Variants in APCDD1 observed in about 807,000 individuals in gnomAD.
APCDD1 encodes protein APCDD1.
APCDD1 carries 15 observed loss-of-function variants against 38.1 expected under a neutral mutation model. The observed-to-expected ratio is 0.39, with a 90% CI of 0.26 to 0.61. The LOEUF is 0.61. Among genes scored for constraint, APCDD1 ranks in the 20% least tolerant of loss-of-function variants. The pLI, the probability that APCDD1 is intolerant of heterozygous loss-of-function variation, is 0.49. For missense variants in APCDD1, 647 were observed against 696.2 expected (o/e 0.93, Z 0.79); for synonymous variants, 261 against 279.7 (o/e 0.93, Z 0.67).
chr18:10,459,314 G>A (rs28427248), intron 1 of APCDD1, among the ~76,000 whole-genome samples: 5 of 97,488 alleles, frequency 5.1e-5, no homozygotes, highest in South Asian at 6.1e-4. Context: ...TCCCACAAGC[G>A]TGCACACACA....
rs1259024368 is a variant in APCDD1, at chr18:10,470,544, G to A, written c.243-986G>A. On this transcript the variant is annotated intron_variant, in intron 2 of 4. Transcript: ENST00000355285. This position sits in a 1 kb window ranked among gnomAD's most constrained non-coding sequence, Gnocchi z 4.1. ...GTTTGGCATTTTAGCCTGACTGCTTGATTTAGCAGCGCTTCGTCAGTTCAA... is the reference window on the plus strand; with the variant it reads ...GTTTGGCATTTTAGCCTGACTGCTTAATTTAGCAGCGCTTCGTCAGTTCAA... Among the ~76,000 whole-genome samples, 2 of 152,232 alleles carry A rather than the reference G, an allele frequency of 1.3e-5. No homozygotes were observed. The highest frequency in any genetic ancestry group is 4.8e-5 in the African/African-American group (2 of 41,456).
Position 10,485,676 on chromosome 18 carries a change from C to T in APCDD1, c.989C>T (p.Ser330Leu). ...NTWEGHYYHY[S>L]DPVCKHPTFS... ...TGGGAGGGCCACTACTACCACTACT[C>T]AGACCCGGTGTGCAAGCACCCCACC... is the stretch of plus-strand genomic sequence containing the variant. The change falls in exon 4 of 5, where the codon TCA becomes TTA. Residue 330 changes from serine to leucine, a missense_variant. Ser to Leu is a moderately radical substitution (Grantham distance 145). Coordinates refer to ENST00000355285, the MANE Select transcript of APCDD1 (RefSeq NM_153000.5). The surrounding 1 kb of genome is among the most constrained non-coding windows in gnomAD (Gnocchi z 5.8). The T allele has an allele frequency of 6.2e-7, 1 of 1,614,224 alleles. No individual in the cohort carries two copies. Among genetic ancestry groups the T allele is most frequent in the Non-Finnish European group, 8.5e-7 (1 of 1,180,048 alleles).
In APCDD1 at chr18:10,471,086, G is replaced by A. The variant is rs1043679986; in HGVS notation, c.243-444G>A. On this transcript the variant is annotated intron_variant, in intron 2 of 4. Coordinates refer to ENST00000355285, the MANE Select transcript of APCDD1 (RefSeq NM_153000.5). The surrounding 1 kb of genome is among the most constrained non-coding windows in gnomAD (Gnocchi z 5.5). ...CAGGAAGTCGACCGTTTTTGAACTAGCGTAAGGGAACTTCTTTTATAGGCC... is the reference window on the plus strand; with the variant it reads ...CAGGAAGTCGACCGTTTTTGAACTAACGTAAGGGAACTTCTTTTATAGGCC... Among the ~76,000 whole-genome samples the A allele has an allele frequency of 1.3e-5, 2 of 152,236 alleles. No homozygotes were observed. The highest frequency in any genetic ancestry group is 2.9e-5 in the Non-Finnish European group (2 of 68,040).
chr18:10,479,038 A>G (rs963722482), intron 3 of APCDD1, among the ~76,000 whole-genome samples: 2 of 152,182 alleles, frequency 1.3e-5, no homozygotes, highest in Non-Finnish European at 2.9e-5. Context: ...CCTGGATGTC[A>G]TGGGAAATAT....
chr18:10,472,342 A>G lies in APCDD1; in HGVS notation c.774+281A>G, dbSNP rs1464054910. 6.6e-6 allele frequency among the ~76,000 whole-genome samples: 1 copy of G among 152,170 alleles called. No homozygotes were observed. The highest frequency in any genetic ancestry group is 1.5e-5 in the Non-Finnish European group (1 of 68,032). ...TGGTGGCATGGGATGATGGTTCTAG[A>G]AAATTCCTAAGGCTCCTTTCAGCTC... On this transcript the variant is annotated intron_variant, in intron 3 of 4. Transcript: ENST00000355285. The surrounding 1 kb of genome is among the most constrained non-coding windows in gnomAD (Gnocchi z 6.6).
chr18:10,468,425 C>T (rs762834923), intron 1 of APCDD1, 44 bp from the exon 2 acceptor site: 2 of 1,607,062 alleles, frequency 1.2e-6, no homozygotes, highest in East Asian at 4.5e-5. Context: ...TTCATGTCTG[C>T]TGCTACTTCT....
intron 3 of APCDD1, among the ~76,000 whole-genome samples, chr18:10,473,075 C>T (rs557769753): frequency 2.3e-4 from 35 of 152,288 alleles, no homozygotes; most frequent in African/African-American, 7.0e-4. Flanking sequence ...AACTGTGGAG[C>T]CCTGCTTAAC....
At position 10,475,797 on chromosome 18, in the gene APCDD1, G is replaced by T. The variant is rs111763945; in HGVS notation, c.774+3736G>T. 0.013 allele frequency: 1,944 copies of T among 151,302 alleles called. 35 individuals carry two copies. The highest frequency in any genetic ancestry group is 0.02 in the Non-Finnish European group (1,361 of 68,088). 9.4% of individuals were successfully genotyped at this position (151,302 alleles called of 1,614,324 possible). The stretch of plus-strand genomic sequence containing the variant: ...AGCTGCCTCGCAAGATGGCTGAGGG[G>T]GGGGGGGGTCAGTGGAAGGCCGAGT... On this transcript the variant is annotated intron_variant, in intron 3 of 4. Coordinates refer to ENST00000355285, the MANE Select transcript of APCDD1 (RefSeq NM_153000.5). The surrounding 1 kb of genome is among the most constrained non-coding windows in gnomAD (Gnocchi z 4.0).
chr18:10,488,290 C>A lies in APCDD1; in HGVS notation c.*252C>A, dbSNP rs965621911. ...CAACAGTAATTGCACTTTAAGACAG[C>A]CTAGAGTTCTGGACGAGCGTGTTTG... is the stretch of plus-strand genomic sequence containing the variant. On this transcript the variant is annotated 3_prime_UTR_variant, in exon 5 of 5. Transcript: ENST00000355285. 8 of 536,616 alleles carry A rather than the reference C, an allele frequency of 1.5e-5. No homozygotes were observed. The highest frequency in any genetic ancestry group is 2.3e-5 in the Non-Finnish European group (7 of 303,618). 33.2% of individuals were successfully genotyped at this position (536,616 alleles called of 1,614,324 possible).
Position 10,466,005 on chromosome 18 carries a change from A to G in APCDD1, c.59-2464A>G, listed in dbSNP as rs77135368. ...ACTTGCAGGGTGTAGAGGTTTACAA[A>G]TCAAGTTTTAGAAGATAGCTTGGTT... On this transcript the variant is annotated intron_variant, in intron 1 of 4. Transcript: ENST00000355285. Among the ~76,000 whole-genome samples the G allele has an allele frequency of 8.1e-3, 1,228 of 152,272 alleles. 13 individuals are homozygous for G. The highest frequency in any genetic ancestry group is 0.028 in the African/African-American group (1,167 of 41,554).
intron 1 of APCDD1, among the ~76,000 whole-genome samples, chr18:10,457,014 A>T (rs2030399461): frequency 6.6e-6 from 1 of 152,154 alleles, no homozygotes; most frequent in African/African-American, 2.4e-5. Flanking sequence ...ATAAAAAGGG[A>T]GGTTTGCAAA....
In APCDD1 at chr18:10,472,186, AGGT is replaced by A. The variant is rs1464797356; in HGVS notation, c.774+128_774+130del. ...TTCTGCATCATGGCGGGGCAGGCCA[AGGT>A]GGGGCTGCTGCGAGGTGGGAGGAGA... On this transcript the variant is annotated intron_variant, in intron 3 of 4. Coordinates refer to ENST00000355285, the MANE Select transcript of APCDD1 (RefSeq NM_153000.5). The surrounding 1 kb of genome is among the most constrained non-coding windows in gnomAD (Gnocchi z 6.6). 1 of 1,363,594 alleles carries A rather than the reference AGGT, an allele frequency of 7.3e-7. No individual in the cohort carries two copies. The highest frequency in any genetic ancestry group is 1.0e-6 in the Non-Finnish European group (1 of 973,604). The allele number at this position is 1,363,594 out of a possible 1,614,324, so 84.5% of individuals were successfully genotyped here.
rs773854266 is a variant in APCDD1, at chr18:10,471,773, G to T, written c.486G>T (p.Lys162Asn). ...GCCACACAGAGGCGGTGGCCGAGAA[G>T]CTCGGCCAGCAGGTGAACCGCACAT... ...VICHTEAVAE[K>N]LGQQVNRTCP... The change falls in exon 3 of 5, where the codon AAG becomes AAT. Residue 162 changes from lysine to asparagine, a missense_variant. Transcript: ENST00000355285. This position sits in a 1 kb window ranked among gnomAD's most constrained non-coding sequence, Gnocchi z 5.5. 1.2e-6 allele frequency: 2 copies of T among 1,613,092 alleles called. No individual in the cohort carries two copies. The highest frequency in any genetic ancestry group is 8.5e-7 in the Non-Finnish European group (1 of 1,179,416).
rs1259714462 is a variant in APCDD1 at position 10,484,198 on chromosome 18, CCTT to C, written c.775-1261_775-1259del. Among the ~76,000 whole-genome samples, 4 of 152,354 alleles carry C rather than the reference CCTT, an allele frequency of 2.6e-5. No homozygotes were observed. The South Asian group carries it at 8.3e-4, about 32-fold the overall frequency. On this transcript the variant is annotated intron_variant, in intron 3 of 4. Transcript: ENST00000355285. ...AGGAAGCAGATGAGGAACGCAGAAA[CCTT>C]CTGAACCTGGAGGCGGGCAGACCGG...
intron 1 of APCDD1, among the ~76,000 whole-genome samples, chr18:10,457,696 A>AGT (rs1214712084): frequency 1.1e-4 from 16 of 152,238 alleles, no homozygotes; most frequent in African/African-American, 3.9e-4. Context: ...AAGTGCAAGA[A>AGT]GTGCATCCTG....
intron 1 of APCDD1, among the ~76,000 whole-genome samples, chr18:10,461,736 T>C (rs1360030532): frequency 6.6e-6 from 1 of 152,244 alleles, no homozygotes; most frequent in Admixed American, 6.5e-5. Context: ...TTTCTTAATA[T>C]TTGTTTAATC....
intron 1 of APCDD1, among the ~76,000 whole-genome samples, chr18:10,464,050 A>G (rs1208168282): frequency 3.3e-5 from 5 of 152,152 alleles, no homozygotes; most frequent in Admixed American, 2.6e-4. Context: ...GGGCTATTTA[A>G]TGTCTTTTTT....
intron 3 of APCDD1, among the ~76,000 whole-genome samples, chr18:10,483,903 G>T (rs1302333915): frequency 6.6e-6 from 1 of 152,240 alleles, no homozygotes; most frequent in Non-Finnish European, 1.5e-5. Flanking sequence ...AATAGCGGAG[G>T]GATGACCCAG....
At chr18:10,482,092 C>T (rs1454235081) in intron 3 of APCDD1, among the ~76,000 whole-genome samples, 5 of 152,148 alleles carry the variant, frequency 3.3e-5, no homozygotes, top group African/African-American at 4.8e-5. Flanking sequence ...TGCTCCTCGA[C>T]GTCATCCCAG....
Sources: allele counts gnomAD v4.1 joint callset (sites outside exome capture counted in the v4.1 genomes callset), GRCh38; gene constraint gnomAD v4.1.1; non-coding constraint Gnocchi (gnomAD v3.1); transcripts MANE v1.5; gene names NCBI Gene and HGNC (gene_info 2026-07-23, HGNC 2026-07-21).